The following SGPP2 variants were observed in gnomAD, a reference collection of about 807,000 sequenced individuals.
The protein encoded by SGPP2 is sphingosine 1-phosphate phosphohydrolase 2.
SGPP2 carries 30 observed loss-of-function variants against 33.9 expected under a neutral mutation model. The observed-to-expected ratio is 0.89, with a 90% CI of 0.66 to 1.20. SGPP2 has a LOEUF of 1.20. Among genes scored for constraint, SGPP2 ranks in the 50% most tolerant of loss-of-function variants. The pLI is 0.00. For synonymous variants in SGPP2, 233 were observed against 225.0 expected (o/e 1.04, Z -0.32); for missense variants, 458 against 532.1 (o/e 0.86, Z 1.37).
At chr2:222,452,731 G>C in intron 1 of SGPP2, 4 of 1,405,682 alleles carry the variant, frequency 2.8e-6, no homozygotes, top group Non-Finnish European at 2.0e-6. Context: ...CACATTGGAA[G>C]GTTTCCAGTC....
At chr2:222,456,397 G>C (rs1280427047) in intron 1 of SGPP2, among the ~76,000 whole-genome samples, 2 of 152,096 alleles carry the variant, frequency 1.3e-5, no homozygotes, top group Non-Finnish European at 2.9e-5. Flanking sequence ...AATGCAACTG[G>C]TACTATTGGG....
At chr2:222,534,250 A>G (rs79525827) in intron 4 of SGPP2, among the ~76,000 whole-genome samples, 2 of 152,344 alleles carry the variant, frequency 1.3e-5, no homozygotes, top group African/African-American at 4.8e-5. Context: ...AAGCCCTTTG[A>G]CTAATGAAAC....
At chr2:222,517,889 C>T (rs914040571) in intron 2 of SGPP2, among the ~76,000 whole-genome samples, 1 of 152,248 alleles carries the variant, frequency 6.6e-6, no homozygotes, top group Non-Finnish European at 1.5e-5. Flanking sequence ...GCCCCAGGTT[C>T]TCTGGCCATC....
chr2:222,479,861 C>G (rs1433797268), intron 2 of SGPP2, among the ~76,000 whole-genome samples: 1 of 152,140 alleles, frequency 6.6e-6, no homozygotes, highest in Non-Finnish European at 1.5e-5. Context: ...GTTAACAAAC[C>G]TTAACAAACC....
At position 222,460,006 on chromosome 2, in the gene SGPP2, C is replaced by T. The variant is rs1292292949; in HGVS notation, c.220-14562C>T. 6.6e-6 allele frequency among the ~76,000 whole-genome samples: 1 copy of T among 152,190 alleles called. No individual in the cohort carries two copies. Among genetic ancestry groups the T allele is most frequent in the East Asian group, 1.9e-4 (1 of 5,198 alleles). On this transcript the variant is annotated intron_variant, in intron 1 of 4. Transcript: ENST00000321276. This position sits in a 1 kb window ranked among gnomAD's most constrained non-coding sequence, Gnocchi z 4.3. ...TAATATTTTTGACAAGCTCTGTTTC[C>T]TTGGGCATAGGAACCACAGTCCCTG...
chr2:222,424,111 C>G (rs1051511529), upstream of SGPP2, among the ~76,000 whole-genome samples: 1 of 152,040 alleles, frequency 6.6e-6, no homozygotes, highest in Non-Finnish European at 1.5e-5. Context: ...GGGGAGCTGG[C>G]GTGGGAGGAA....
At chr2:222,534,746 A>G (rs1293594107) in intron 4 of SGPP2, among the ~76,000 whole-genome samples, 1 of 152,196 alleles carries the variant, frequency 6.6e-6, no homozygotes, top group Non-Finnish European at 1.5e-5. Context: ...TATGTTTCTG[A>G]GCATCAGTCA....
intron 1 of SGPP2, chr2:222,452,868 T>C: frequency 6.2e-7 from 1 of 1,608,180 alleles, no homozygotes; most frequent in Non-Finnish European, 8.5e-7. Context: ...TTTCATTCTC[T>C]GGTTCTGGAA....
chr2:222,445,853 C>A (rs1387128044), intron 1 of SGPP2, among the ~76,000 whole-genome samples: 2 of 152,202 alleles, frequency 1.3e-5, no homozygotes, highest in African/African-American at 4.8e-5. Context: ...TGGGTACTAT[C>A]CCAGGAGCTT....
At chr2:222,468,600 G>C (rs1010972872) in intron 1 of SGPP2, among the ~76,000 whole-genome samples, 1 of 152,164 alleles carries the variant, frequency 6.6e-6, no homozygotes, top group African/African-American at 2.4e-5. Flanking sequence ...CTCCTCTGCT[G>C]TGTAGATCAG....
intron 2 of SGPP2, among the ~76,000 whole-genome samples, chr2:222,491,870 C>T (rs116633472): frequency 6.6e-6 from 1 of 152,298 alleles, no homozygotes; most frequent in African/African-American, 2.4e-5. Context: ...CAAGTCAGTT[C>T]CTTCCAAGAT....
At chr2:222,508,577 G>T (rs1287323472) in intron 2 of SGPP2, among the ~76,000 whole-genome samples, 1 of 152,176 alleles carries the variant, frequency 6.6e-6, no homozygotes, top group East Asian at 1.9e-4. Context: ...GGCTCAAGAG[G>T]TGGAAAGTGG....
At chr2:222,448,449 C>T (rs1697429022) in intron 1 of SGPP2, among the ~76,000 whole-genome samples, 1 of 152,202 alleles carries the variant, frequency 6.6e-6, no homozygotes. Context: ...TGCACACTTA[C>T]TCTCCCACTT....
At chr2:222,529,777 C>A (rs1698813289) in intron 4 of SGPP2, among the ~76,000 whole-genome samples, 1 of 152,194 alleles carries the variant, frequency 6.6e-6, no homozygotes, top group Non-Finnish European at 1.5e-5. Context: ...ACATGAATCA[C>A]AAATGTTCTT....
chr2:222,535,014 ACAAACACAGG>A (rs1698892184), intron 4 of SGPP2, among the ~76,000 whole-genome samples: 1 of 152,214 alleles, frequency 6.6e-6, no homozygotes, highest in Non-Finnish European at 1.5e-5. Flanking sequence ...ATTACTAACA[ACAAACACAGG>A]CAAATTAATT....
At chr2:222,451,140 GAA>G (rs5838950) in intron 1 of SGPP2, among the ~76,000 whole-genome samples, 5,303 of 131,130 alleles carry the variant, frequency 0.04, 296 homozygotes, top group African/African-American at 0.13. Flanking sequence ...TACAAAAAGA[GAA>G]AAAAAAAAAA....
intron 4 of SGPP2, 86 bp from the exon 5 acceptor site, chr2:222,558,260 TC>T (rs1689450839): frequency 6.6e-6 from 9 of 1,372,198 alleles, no homozygotes; most frequent in Middle Eastern, 2.5e-4. Context: ...GTTTTAAATA[TC>T]AAATTAGCCA....
chr2:222,475,958 T>C (rs181874029), intron 2 of SGPP2, among the ~76,000 whole-genome samples: 2 of 152,318 alleles, frequency 1.3e-5, no homozygotes, highest in Admixed American at 6.5e-5. Flanking sequence ...AGGCCTGGCA[T>C]GTGGAGGACT....
chr2:222,452,766 TAAG>T, intron 1 of SGPP2: 3 of 1,474,618 alleles, frequency 2.0e-6, no homozygotes, highest in Non-Finnish European at 9.5e-7. Context: ...TTCCTGGTGG[TAAG>T]AAGAGTAGAG....
Sources: allele counts gnomAD v4.1 joint callset (sites outside exome capture counted in the v4.1 genomes callset), GRCh38; gene constraint gnomAD v4.1.1; non-coding constraint Gnocchi (gnomAD v3.1); transcripts MANE v1.5; gene names NCBI Gene and HGNC (gene_info 2026-07-23, HGNC 2026-07-21).